The following ICA1L variants were observed in gnomAD, a reference collection of about 807,000 sequenced individuals.
ICA1L encodes islet cell autoantigen 1 like.
Under a neutral mutation model 61.3 loss-of-function variants are expected in ICA1L, and 50 were observed. That is an observed-to-expected ratio of 0.82 (90% confidence interval 0.65 to 1.03). The LOEUF (loss-of-function observed/expected upper bound fraction) is 1.03. Among genes scored for constraint, ICA1L ranks in the 50% least tolerant of loss-of-function variants. The pLI is 0.00. For synonymous variants in ICA1L, 161 were observed against 191.3 expected (o/e 0.84, Z 1.31); for missense variants, 508 against 556.7 (o/e 0.91, Z 0.88).
chr2:202,782,598 G>A (rs1486674945), intron 12 of ICA1L, among the ~76,000 whole-genome samples: 3 of 151,848 alleles, frequency 2.0e-5, no homozygotes, highest in Admixed American at 6.6e-5. Context: ...TAGTAGAGAC[G>A]GGGTTTCACC....
At chr2:202,788,156 A>G (rs1448153229) in intron 11 of ICA1L, among the ~76,000 whole-genome samples, 3 of 152,216 alleles carry the variant, frequency 2.0e-5, no homozygotes, top group African/African-American at 4.8e-5. Flanking sequence ...AATGTAAGCC[A>G]GGTGCTGACA....
intron 5 of ICA1L, 136 bp downstream of exon 5, chr2:202,819,565 A>T: frequency 1.5e-6 from 1 of 685,202 alleles, no homozygotes; most frequent in Non-Finnish European, 2.5e-6. Context: ...TACTTCAACT[A>T]CAGTCTCCAA....
At chr2:202,831,127 G>A (rs192780582) in intron 1 of ICA1L, among the ~76,000 whole-genome samples, 26 of 152,214 alleles carry the variant, frequency 1.7e-4, no homozygotes, top group Admixed American at 1.4e-3. Flanking sequence ...TCCACAAAGT[G>A]GCCAATTTTC....
chr2:202,857,237 C>T (rs537567490), intron 1 of ICA1L, among the ~76,000 whole-genome samples: 26 of 152,144 alleles, frequency 1.7e-4, no homozygotes, highest in Non-Finnish European at 3.1e-4. Flanking sequence ...AACTATACTA[C>T]AAGTCTACAG....
chr2:202,854,607 T>C (rs1299612424), intron 1 of ICA1L, among the ~76,000 whole-genome samples: 1 of 152,196 alleles, frequency 6.6e-6, no homozygotes, highest in Non-Finnish European at 1.5e-5. Flanking sequence ...CAGTGCCACA[T>C]AGCACATATT....
Position 202,797,770 on chromosome 2 carries a change from C to T in ICA1L, c.911-806G>A, listed in dbSNP as rs538719602. Among the ~76,000 whole-genome samples the T allele has an allele frequency of 2.0e-5, 3 of 152,344 alleles. No homozygotes were observed. In the South Asian group the frequency reaches 6.2e-4, roughly 32 times the overall value. ...CTCCTGACCTCAAGTGATCCTCCTG[C>T]CTCGGCCTCCCAAACTGCTGGGATT... On this transcript the variant is annotated intron_variant, in intron 9 of 12. Coordinates refer to ENST00000358299, the MANE Select transcript of ICA1L (RefSeq NM_001288622.3).
chr2:202,774,266 G>C lies in ICA1L; in HGVS notation c.*5267C>G. ...CTCGCTCCTGTCGGCCAAAGGCCGT[G>C]ACCCCGACGCGTGCAGGCACCTACG... On this transcript the variant is annotated 3_prime_UTR_variant, in exon 13 of 13. Coordinates refer to ENST00000358299, the MANE Select transcript of ICA1L (RefSeq NM_001288622.3). 1 of 1,544,680 alleles carries C rather than the reference G, an allele frequency of 6.5e-7. No individual in the cohort carries two copies. The highest frequency in any genetic ancestry group is 8.7e-7 in the Non-Finnish European group (1 of 1,145,136).
In ICA1L at chr2:202,774,107, G is replaced by T; in HGVS notation, c.*5426C>A. 1 of 1,213,502 alleles carries T rather than the reference G, an allele frequency of 8.2e-7. No homozygotes were observed. The highest frequency in any genetic ancestry group is 1.2e-6 in the Non-Finnish European group (1 of 844,866). 75.2% of individuals were successfully genotyped at this position (1,213,502 alleles called of 1,614,324 possible). ...AATATTAGGAATCCCATCAATGATT[G>T]GATAAGCTATTCTCAACTCTTCATT... is the stretch of plus-strand genomic sequence containing the variant. On this transcript the variant is annotated 3_prime_UTR_variant, in exon 13 of 13. Coordinates refer to ENST00000358299, the MANE Select transcript of ICA1L (RefSeq NM_001288622.3).
chr2:202,863,087 T>G (rs1433817855), intron 1 of ICA1L, among the ~76,000 whole-genome samples: 5 of 150,536 alleles, frequency 3.3e-5, no homozygotes, highest in Admixed American at 2.6e-4. Context: ...AGGTCAGGAG[T>G]TTGAGACCAG....
intron 1 of ICA1L, among the ~76,000 whole-genome samples, chr2:202,851,668 A>G (rs1694624290): frequency 6.6e-6 from 1 of 152,136 alleles, no homozygotes. Context: ...CCTCTCCAGC[A>G]CCTGTTGTTT....
At chr2:202,853,385 G>A (rs759829254) in intron 1 of ICA1L, among the ~76,000 whole-genome samples, 81 of 149,776 alleles carry the variant, frequency 5.4e-4, no homozygotes, top group Non-Finnish European at 8.6e-4. Flanking sequence ...TTAAATGTTA[G>A]ACCTAAAACC....
At chr2:202,817,738 G>T (rs142928870) in intron 5 of ICA1L, among the ~76,000 whole-genome samples, 195 bp from the exon 6 acceptor site, 115 of 152,178 alleles carry the variant, frequency 7.6e-4, no homozygotes, top group African/African-American at 2.3e-3. Context: ...GTAATTGTAG[G>T]AGATTCTTTC....
intron 8 of ICA1L, among the ~76,000 whole-genome samples, chr2:202,813,190 G>T (rs1015113274): frequency 9.2e-5 from 14 of 151,988 alleles, no homozygotes; most frequent in South Asian, 8.3e-4. Flanking sequence ...AACCTGGGAG[G>T]GGGAGGTGGC....
intron 12 of ICA1L, among the ~76,000 whole-genome samples, chr2:202,781,634 C>T (rs1238321782): frequency 6.6e-6 from 1 of 151,736 alleles, no homozygotes; most frequent in Non-Finnish European, 1.5e-5. Context: ...ACCCTGACAC[C>T]CTTCCAGTCA....
At position 202,785,917 on chromosome 2, in the gene ICA1L, C is replaced by A; in HGVS notation, c.1333+1G>T. 1.3e-6 allele frequency: 2 copies of A among 1,501,316 alleles called. No individual in the cohort carries two copies. The highest frequency in any genetic ancestry group is 1.8e-6 in the Non-Finnish European group (2 of 1,085,960). 93.0% of individuals were successfully genotyped at this position (1,501,316 alleles called of 1,614,324 possible). ...AAAGAATATATAAATAAATAACTTA[C>A]ATCTTGTTAATTTCTTTGGACTCTG... On this transcript the variant is annotated splice_donor_variant, in intron 12 of 12. Coordinates refer to ENST00000358299, the MANE Select transcript of ICA1L (RefSeq NM_001288622.3). LOFTEE classifies it high-confidence loss of function.
chr2:202,870,223 A>G (rs994447011), intron 1 of ICA1L, among the ~76,000 whole-genome samples: 18 of 152,290 alleles, frequency 1.2e-4, no homozygotes, highest in African/African-American at 4.3e-4. Context: ...CTAGTTCCAT[A>G]ACTGGTATAA....
Position 202,825,759 on chromosome 2 carries a change from G to A in ICA1L, c.171C>T (p.His57=). The change falls in exon 3 of 13, where the codon CAC becomes CAT. Residue 57 remains histidine, a synonymous_variant. Coordinates refer to ENST00000358299, the MANE Select transcript of ICA1L (RefSeq NM_001288622.3). ...AELDAKLEVF[H]SVQETCTELL... is the part of the protein sequence containing the mutation. ...GTTCAGTGCATGTCTCTTGAACAGA[G>A]TGAAAAACCTTGAGATATAAATTTT... is the stretch of plus-strand genomic sequence containing the variant. 6.4e-7 allele frequency: 1 copy of A among 1,560,736 alleles called. No homozygotes were observed. Among genetic ancestry groups the A allele is most frequent in the South Asian group, 1.2e-5 (1 of 84,052 alleles).
chr2:202,802,952 T>G (rs1369775338), intron 9 of ICA1L, among the ~76,000 whole-genome samples: 1 of 151,478 alleles, frequency 6.6e-6, no homozygotes, highest in Non-Finnish European at 1.5e-5. Context: ...ATAATGGGAT[T>G]GGAAGGACAA....
intron 1 of ICA1L, among the ~76,000 whole-genome samples, chr2:202,866,577 T>C (rs769669766): frequency 6.6e-6 from 1 of 152,198 alleles, no homozygotes; most frequent in Non-Finnish European, 1.5e-5. Flanking sequence ...GTCAAAAGAA[T>C]TGCTCAACTC....
Sources: allele counts gnomAD v4.1 joint callset (sites outside exome capture counted in the v4.1 genomes callset), GRCh38; gene constraint gnomAD v4.1.1; transcripts MANE v1.5; gene names NCBI Gene and HGNC (gene_info 2026-07-23, HGNC 2026-07-21).